JAKMIP2: variants seen among roughly 807,000 people sequenced by gnomAD.
JAKMIP2 encodes the protein janus kinase and microtubule-interacting protein 2.
A neutral mutation model predicts 115.0 loss-of-function variants in JAKMIP2; 25 were observed. That is an observed-to-expected ratio of 0.22 (90% confidence interval 0.16 to 0.30). JAKMIP2 has a LOEUF of 0.30. Ranked by LOEUF, JAKMIP2 falls within the 10% of genes least tolerant of loss-of-function variation. The pLI is 1.00. For missense variants in JAKMIP2, 642 were observed against 957.6 expected (o/e 0.67, Z 4.35); for synonymous variants, 334 against 343.6 (o/e 0.97, Z 0.31).
chr5:147,731,303 G>A (rs1753724580), intron 1 of JAKMIP2, among the ~76,000 whole-genome samples: 1 of 152,114 alleles, frequency 6.6e-6, no homozygotes. Flanking sequence ...TACACTTCTG[G>A]GTAAAGCAAT....
chr5:147,732,524 A>G (rs527448460), intron 1 of JAKMIP2, among the ~76,000 whole-genome samples: 215 of 152,288 alleles, frequency 1.4e-3, no homozygotes, highest in African/African-American at 5.0e-3. Flanking sequence ...AACTGCAGCT[A>G]TTTCTCCTTG....
chr5:147,665,769 T>C (rs2126792541), intron 2 of JAKMIP2, among the ~76,000 whole-genome samples: 1 of 152,298 alleles, frequency 6.6e-6, no homozygotes, highest in East Asian at 1.9e-4. Context: ...CTATGAAGTG[T>C]AAGGTAATAT....
At chr5:147,657,275 G>A (rs373447307) in intron 3 of JAKMIP2, among the ~76,000 whole-genome samples, 154 of 139,510 alleles carry the variant, frequency 1.1e-3, no homozygotes, top group African/African-American at 4.0e-3. Context: ...GCGAGACTCC[G>A]TCTCAAACAA....
intron 10 of JAKMIP2, among the ~76,000 whole-genome samples, chr5:147,639,359 A>G (rs1186178677): frequency 2.0e-5 from 3 of 152,132 alleles, no homozygotes; most frequent in Admixed American, 2.0e-4. Context: ...AACAAAATCC[A>G]ATATTGTCTA....
intron 1 of JAKMIP2, among the ~76,000 whole-genome samples, chr5:147,776,757 G>A (rs997540258): frequency 5.3e-5 from 8 of 151,950 alleles, no homozygotes; most frequent in Admixed American, 2.0e-4. Context: ...GTAAAACCTC[G>A]TCTCTACTAA....
intron 19 of JAKMIP2, among the ~76,000 whole-genome samples, chr5:147,613,523 G>C (rs1389130765): frequency 6.6e-6 from 1 of 152,112 alleles, no homozygotes; most frequent in African/African-American, 2.4e-5. Context: ...TTTTTTTAAA[G>C]TTAGTTAATA....
At chr5:147,779,588 TA>T (rs1388342737) in intron 1 of JAKMIP2, among the ~76,000 whole-genome samples, 1 of 152,112 alleles carries the variant, frequency 6.6e-6, no homozygotes, top group Admixed American at 6.5e-5. Flanking sequence ...TATGAACAGG[TA>T]AATGTTCAGT....
At chr5:147,610,189 T>C (rs1425008701) in intron 20 of JAKMIP2, among the ~76,000 whole-genome samples, 3 of 152,196 alleles carry the variant, frequency 2.0e-5, no homozygotes, top group Admixed American at 1.3e-4. Context: ...TGTCAATTCG[T>C]CAAACTAATT....
rs144924300 is a variant in JAKMIP2, at chr5:147,595,793, G to A, written c.*21-4107C>T. 1.5e-3 allele frequency among the ~76,000 whole-genome samples: 222 copies of A among 152,128 alleles called. 8 individuals are homozygous for A. The East Asian group carries it at 0.026, about 18-fold the overall frequency. On this transcript the variant is annotated intron_variant, in intron 21 of 21. Coordinates refer to ENST00000616793, the MANE Select transcript of JAKMIP2 (RefSeq NM_001270941.2). The stretch of plus-strand genomic sequence containing the variant: ...GTTGACTATGTGCTAGACACTGTTG[G>A]TTATGTGCTAGGTATTTGGTATACA...
At chr5:147,679,142 G>A (rs60284694) in intron 1 of JAKMIP2, among the ~76,000 whole-genome samples, 25,650 of 151,722 alleles carry the variant, frequency 0.17, 2,780 homozygotes, top group East Asian at 0.45. Flanking sequence ...CAACATGCCC[G>A]GCTAATTTTT....
intron 1 of JAKMIP2, among the ~76,000 whole-genome samples, chr5:147,727,301 A>G (rs549249439): frequency 1.3e-5 from 2 of 152,326 alleles, no homozygotes; most frequent in South Asian, 4.1e-4. Context: ...AGCCAGAAAT[A>G]TTGGCTGTTT....
intron 1 of JAKMIP2, among the ~76,000 whole-genome samples, chr5:147,682,039 C>CAA (rs201220964): frequency 6.6e-5 from 5 of 76,300 alleles, no homozygotes; most frequent in East Asian, 4.9e-4. Flanking sequence ...AACTCTGTTT[C>CAA]AAAAAAAAAA....
intron 1 of JAKMIP2, among the ~76,000 whole-genome samples, chr5:147,676,975 G>A (rs532079715): frequency 2.0e-5 from 3 of 152,346 alleles, no homozygotes; most frequent in Admixed American, 6.5e-5. Flanking sequence ...AGATTCTGAT[G>A]TAGTAATTGG....
chr5:147,682,572 T>C (rs1449024698), intron 1 of JAKMIP2, among the ~76,000 whole-genome samples: 2 of 152,224 alleles, frequency 1.3e-5, no homozygotes, highest in Admixed American at 6.5e-5. Context: ...CTGTGTGTTA[T>C]TCATCTTTGT....
chr5:147,731,381 T>C (rs1292923442), intron 1 of JAKMIP2, among the ~76,000 whole-genome samples: 2 of 152,178 alleles, frequency 1.3e-5, no homozygotes, highest in African/African-American at 4.8e-5. Flanking sequence ...CTATTAGCAG[T>C]GTTCTAAAAG....
intron 1 of JAKMIP2, among the ~76,000 whole-genome samples, chr5:147,776,652 G>A (rs1755569105): frequency 6.6e-6 from 1 of 152,194 alleles, no homozygotes; most frequent in African/African-American, 2.4e-5. Context: ...GACAGGCTGG[G>A]CATGGTGGCT....
chr5:147,602,201 G>C (rs1209862935), intron 20 of JAKMIP2, among the ~76,000 whole-genome samples: 1 of 151,960 alleles, frequency 6.6e-6, no homozygotes, highest in Non-Finnish European at 1.5e-5. Flanking sequence ...TGCACAAGAG[G>C]GTATTTCAAA....
At chr5:147,679,206 C>T (rs1161580551) in intron 1 of JAKMIP2, among the ~76,000 whole-genome samples, 1 of 152,114 alleles carries the variant, frequency 6.6e-6, no homozygotes, top group Admixed American at 6.5e-5. Flanking sequence ...GTTTTGAACT[C>T]CTGTGCTCAA....
intron 3 of JAKMIP2, among the ~76,000 whole-genome samples, chr5:147,653,751 T>C (rs891533645): frequency 1.3e-5 from 2 of 152,208 alleles, no homozygotes; most frequent in African/African-American, 2.4e-5. Context: ...ATTGTTGCAA[T>C]TACTTTTGGC....
Sources: gnomAD v4.1 joint callset for allele counts (sites outside exome capture counted in the v4.1 genomes callset) on GRCh38, gnomAD v4.1.1 for gene constraint, MANE v1.5 for transcripts, NCBI Gene and HGNC (gene_info 2026-07-23, HGNC 2026-07-21) for gene names.